TENM2: variants seen among roughly 807,000 people sequenced by gnomAD.
TENM2 encodes teneurin transmembrane protein 2, also known as teneurin-2.
In TENM2, 52 loss-of-function variants were observed where a neutral mutation model predicts 245.2. That is an observed-to-expected ratio of 0.21 (90% CI 0.17 to 0.27). The LOEUF (loss-of-function observed/expected upper bound fraction) is 0.27, where lower values mean the gene tolerates loss of function less well. Among genes scored for constraint, TENM2 ranks in the 10% least tolerant of loss-of-function variants. The pLI is 1.00. For missense variants in TENM2, 3,046 were observed against 3,666.8 expected (o/e 0.83, Z 4.37); for synonymous variants, 1,363 against 1,438.9 (o/e 0.95, Z 1.19).
chr5:167,144,647 T>C, the TENM2 span, among the ~76,000 whole-genome samples: 1 of 152,180 alleles, frequency 6.6e-6, no homozygotes, highest in Non-Finnish European at 1.5e-5. Flanking sequence ...ATCTATTTCC[T>C]CTTCCTTTTG....
chr5:168,144,798 A>G (rs529307822), intron 12 of TENM2, among the ~76,000 whole-genome samples: 5 of 152,304 alleles, frequency 3.3e-5, no homozygotes, highest in African/African-American at 1.2e-4. Flanking sequence ...TCCCACCAAC[A>G]GTGTAAAAGT....
chr5:167,482,357 A>G (rs1767808054), intron 2 of TENM2, among the ~76,000 whole-genome samples: 1 of 152,226 alleles, frequency 6.6e-6, no homozygotes. Flanking sequence ...GTTGAATACT[A>G]TATATTCATG....
At chr5:167,646,184 A>G in intron 2 of TENM2, among the ~76,000 whole-genome samples, 1 of 113,068 alleles carries the variant, frequency 8.8e-6, no homozygotes, top group South Asian at 2.9e-4. Flanking sequence ...TTTCATATAT[A>G]TATATATGTT....
chr5:167,475,869 G>A (rs1767337962), intron 2 of TENM2, among the ~76,000 whole-genome samples: 1 of 152,066 alleles, frequency 6.6e-6, no homozygotes, highest in Non-Finnish European at 1.5e-5. Flanking sequence ...TGGTGTATAT[G>A]TGCCACATTT....
At chr5:167,005,066 T>TA in the TENM2 span, among the ~76,000 whole-genome samples, 3 of 151,960 alleles carry the variant, frequency 2.0e-5, no homozygotes, top group Non-Finnish European at 2.9e-5. Context: ...ATTTTTTAAA[T>TA]AAAAAAAACT....
At chr5:167,920,802 G>A (rs1777312791) in intron 3 of TENM2, among the ~76,000 whole-genome samples, 1 of 152,194 alleles carries the variant, frequency 6.6e-6, no homozygotes, top group Non-Finnish European at 1.5e-5. Flanking sequence ...CATCCACAGT[G>A]ACTAAGCAAA....
the TENM2 span, among the ~76,000 whole-genome samples, chr5:167,002,812 T>A: frequency 2.0e-5 from 3 of 152,112 alleles, no homozygotes; most frequent in East Asian, 5.8e-4. Flanking sequence ...TGAATAATTA[T>A]AATGCATTTT....
intron 2 of TENM2, among the ~76,000 whole-genome samples, chr5:167,669,895 G>C (rs2150347756): frequency 6.6e-6 from 1 of 151,798 alleles, no homozygotes; most frequent in Middle Eastern, 3.4e-3. Flanking sequence ...TATTAAAATG[G>C]AATAAAAGCT....
At chr5:167,157,187 G>A in the TENM2 span, among the ~76,000 whole-genome samples, 13 of 152,268 alleles carry the variant, frequency 8.5e-5, no homozygotes, top group South Asian at 2.7e-3. Flanking sequence ...TACAAAGAAT[G>A]CCTTCCATCC....
intron 3 of TENM2, among the ~76,000 whole-genome samples, chr5:167,901,734 A>G (rs1024857273): frequency 2.0e-5 from 3 of 152,224 alleles, no homozygotes; most frequent in African/African-American, 7.2e-5. Flanking sequence ...ATGTTCTTCC[A>G]TCATGCTGGC....
chr5:167,069,807 G>A, the TENM2 span, among the ~76,000 whole-genome samples: 1 of 152,256 alleles, frequency 6.6e-6, no homozygotes, highest in East Asian at 1.9e-4. Context: ...TCAAAAATAA[G>A]CTTGAAAATA....
rs145154761 is a variant in TENM2, at chr5:168,119,452, T to A, written c.2008+966T>A. On this transcript the variant is annotated intron_variant, in intron 10 of 28. Transcript: ENST00000518659. ...TTTCAGATAAATTATTTTGTGCCAA[T>A]ATGTTGGGACTGACTTGCAGTAGCT... Among the ~76,000 whole-genome samples, 39 of 152,328 alleles carry A rather than the reference T, an allele frequency of 2.6e-4. 1 individual carries two copies. The highest frequency in any genetic ancestry group is 8.7e-4 in the African/African-American group (36 of 41,572).
the TENM2 span, among the ~76,000 whole-genome samples, chr5:167,245,339 G>C: frequency 2.6e-5 from 4 of 152,250 alleles, no homozygotes; most frequent in Admixed American, 1.3e-4. Flanking sequence ...GGAAAATGTG[G>C]CATAGTATTT....
At chr5:167,972,952 A>G (rs1479074071) in intron 4 of TENM2, among the ~76,000 whole-genome samples, 1 of 151,946 alleles carries the variant, frequency 6.6e-6, no homozygotes, top group Non-Finnish European at 1.5e-5. Flanking sequence ...TCATTCCCAG[A>G]CTGTGCTACA....
chr5:168,249,717 C>T (rs892460153), intron 27 of TENM2, among the ~76,000 whole-genome samples: 6 of 151,950 alleles, frequency 3.9e-5, no homozygotes, highest in South Asian at 2.1e-4. Flanking sequence ...GAATTAGCTG[C>T]GTGTGGTGGC....
At chr5:167,241,292 A>G in the TENM2 span, among the ~76,000 whole-genome samples, 6 of 152,236 alleles carry the variant, frequency 3.9e-5, no homozygotes, top group African/African-American at 1.4e-4. Flanking sequence ...TAATAGAAAA[A>G]AAAGTCTTGT....
chr5:168,022,602 A>G (rs935883451), intron 5 of TENM2, among the ~76,000 whole-genome samples: 2 of 152,242 alleles, frequency 1.3e-5, no homozygotes, highest in African/African-American at 2.4e-5. Context: ...CCTGCCAAGC[A>G]TGAGTGTTGC....
chr5:167,239,346 G>A, the TENM2 span, among the ~76,000 whole-genome samples: 1 of 152,142 alleles, frequency 6.6e-6, no homozygotes, highest in Admixed American at 6.5e-5. Context: ...TCCAACTCCA[G>A]TGCTATGTTT....
intron 2 of TENM2, among the ~76,000 whole-genome samples, chr5:167,848,852 C>T (rs1043806888): frequency 6.6e-6 from 1 of 152,176 alleles, no homozygotes; most frequent in African/African-American, 2.4e-5. Flanking sequence ...CCCCCTGCTA[C>T]GGGTGATCCT....
Sources: gnomAD v4.1 joint callset for allele counts (sites outside exome capture counted in the v4.1 genomes callset) on GRCh38, gnomAD v4.1.1 for gene constraint, MANE v1.5 for transcripts, NCBI Gene and HGNC (gene_info 2026-07-23, HGNC 2026-07-21) for gene names.